Variants in VMA21 observed in about 807,000 individuals in gnomAD.
The protein encoded by VMA21 is vacuolar ATPase assembly factor VMA21.
For missense variants in VMA21, 61 were observed against 80.6 expected (o/e 0.76, Z 0.93); for synonymous variants, 47 against 34.1 (o/e 1.38, Z -1.32).
chrX:151,403,009 G>A (rs959975856), intron 1 of VMA21, among the ~76,000 whole-genome samples: 8 of 107,423 alleles, frequency 7.4e-5, no homozygotes, highest in African/African-American at 2.7e-4. Flanking sequence ...GGGTTGCTGC[G>A]TGGGCTCAGG....
At chrX:151,399,025 A>G (rs778872287) in intron 1 of VMA21, among the ~76,000 whole-genome samples, 10 of 112,802 alleles carry the variant, frequency 8.9e-5, no homozygotes, top group Non-Finnish European at 1.7e-4. Context: ...GGTGGCTTGC[A>G]TCAGCAAAAC....
upstream of VMA21, chrX:151,396,639 C>A (rs746210272): frequency 4.6e-4 from 163 of 354,674 alleles, no homozygotes; most frequent in African/African-American, 3.6e-3. Flanking sequence ...TCTAGTTTTA[C>A]GGACTCGGGT....
At chrX:151,402,817 G>C (rs761070634) in intron 1 of VMA21, among the ~76,000 whole-genome samples, 2 of 105,658 alleles carry the variant, frequency 1.9e-5, no homozygotes, top group Non-Finnish European at 3.9e-5. Context: ...GATCCCAGTG[G>C]GGGAGGGCAC....
intron 1 of VMA21, among the ~76,000 whole-genome samples, chrX:151,399,600 CACTGCAG>C (rs1478600687): frequency 5.4e-5 from 6 of 111,419 alleles, no homozygotes; most frequent in Admixed American, 9.5e-5. Context: ...GTAGATTCTC[CACTGCAG>C]ACACTCATAC....
At chrX:151,403,839 T>C (rs1439109221) in intron 2 of VMA21, 99 bp downstream of exon 2, 6 of 616,807 alleles carry the variant, frequency 9.7e-6, no homozygotes, top group Non-Finnish European at 1.6e-5. Context: ...TCTTATTTTT[T>C]TCTTGTTTAG....
At chrX:151,396,678 G>A (rs2011191330), upstream of VMA21, 2 of 404,162 alleles carry the variant, frequency 4.9e-6, no homozygotes, top group South Asian at 8.4e-5. Context: ...CAGCTGCCAA[G>A]GGCTTGACTT....
intron 1 of VMA21, among the ~76,000 whole-genome samples, chrX:151,397,572 G>A (rs1044424700): frequency 9.8e-5 from 11 of 112,729 alleles, no homozygotes; most frequent in Admixed American, 9.3e-4. Flanking sequence ...CGGGGTCATG[G>A]GGAATAGGTC....
intron 2 of VMA21, among the ~76,000 whole-genome samples, chrX:151,404,686 C>T (rs1346629857): frequency 8.9e-6 from 1 of 111,868 alleles, no homozygotes; most frequent in African/African-American, 3.2e-5. Flanking sequence ...TCCCAAAGTG[C>T]TGGGATTACA....
At position 151,405,839 on chromosome X, in the gene VMA21, A is replaced by G. The variant is rs1370517905; in HGVS notation, c.*781A>G. On this transcript the variant is annotated 3_prime_UTR_variant, in exon 3 of 3. Coordinates refer to ENST00000330374, the MANE Select transcript of VMA21 (RefSeq NM_001017980.4). The stretch of plus-strand genomic sequence containing the variant: ...TAAAAGGTTCGAGGAAGCTCCATTT[A>G]AAATTGTTTTTTTTACTATTTTTTA... The G allele has an allele frequency of 1.8e-5, 2 of 112,114 alleles. No homozygotes were observed. The highest frequency in any genetic ancestry group is 3.8e-5 in the Non-Finnish European group (2 of 53,254). The allele number at this position is 112,114 out of a possible 1,213,427, so 9.2% of individuals were successfully genotyped here.
chrX:151,405,983 T>G lies in VMA21; in HGVS notation c.*925T>G, dbSNP rs923218799. 9.0e-6 allele frequency: 1 copy of G among 111,666 alleles called. No homozygotes were observed. Among genetic ancestry groups the G allele is most frequent in the Non-Finnish European group, 1.9e-5 (1 of 53,163 alleles). 9.2% of individuals were successfully genotyped at this position (111,666 alleles called of 1,213,427 possible). A position where few individuals can be genotyped will look rare whatever the true frequency, so the allele number is the denominator to read the frequency against. The stretch of plus-strand genomic sequence containing the variant: ...ATCCAAAAAGTATTCTCCTTGGGCA[T>G]ATCTGATGGAAAAAAACCTTGATTT... On this transcript the variant is annotated 3_prime_UTR_variant, in exon 3 of 3. Transcript: ENST00000330374.
chrX:151,404,085 T>G lies in VMA21; in HGVS notation c.163+345T>G, dbSNP rs781524956. 4.5e-5 allele frequency among the ~76,000 whole-genome samples: 5 copies of G among 110,677 alleles called. No homozygotes were observed. In the East Asian group the frequency reaches 1.4e-3, roughly 31 times the overall value. On this transcript the variant is annotated intron_variant, in intron 2 of 2. Coordinates refer to ENST00000330374, the MANE Select transcript of VMA21 (RefSeq NM_001017980.4). The stretch of plus-strand genomic sequence containing the variant: ...CCTTTTTGATGTTGAAATTTTTTTT[T>G]TTTTTTTGAGACAGTTTCACTCTTG...
intron 1 of VMA21, among the ~76,000 whole-genome samples, chrX:151,398,105 A>T (rs1209337903): frequency 9.1e-6 from 1 of 109,868 alleles, no homozygotes; most frequent in Non-Finnish European, 1.9e-5. Flanking sequence ...CTAACGTTTG[A>T]CCAAGCTCAC....
Position 151,407,735 on chromosome X carries a change from A to G in VMA21, c.*2677A>G, listed in dbSNP as rs753169819. ...TCTGCTGTAGAATGTATCTGATGTC[A>G]TTAGTTCTTCAAATGGATACCATTG... On this transcript the variant is annotated 3_prime_UTR_variant, in exon 3 of 3. Transcript: ENST00000330374. 6 of 112,008 alleles carry G rather than the reference A, an allele frequency of 5.4e-5. No homozygotes were observed. The South Asian group carries it at 2.3e-3, about 42-fold the overall frequency. The allele number at this position is 112,008 out of a possible 1,213,427, so 9.2% of individuals were successfully genotyped here. A position where few individuals can be genotyped will look rare whatever the true frequency, so the allele number is the denominator to read the frequency against.
Position 151,397,266 on chromosome X carries a change from G to A in VMA21, c.-43G>A, listed in dbSNP as rs749237006. On this transcript the variant is annotated 5_prime_UTR_variant, in exon 1 of 3. Transcript: ENST00000330374. ...GGAGCTTACTGAGCGCGGCCGCCGA[G>A]CCCAGCTCCGCCGCCGAGCGCCTGT... 4 of 1,148,290 alleles carry A rather than the reference G, an allele frequency of 3.5e-6. No homozygotes were observed. The African/African-American group carries it at 7.2e-5, about 21-fold the overall frequency. 94.6% of individuals were successfully genotyped at this position (1,148,290 alleles called of 1,213,427 possible).
At chrX:151,399,171 A>G (rs2011218458) in intron 1 of VMA21, among the ~76,000 whole-genome samples, 1 of 112,219 alleles carries the variant, frequency 8.9e-6, no homozygotes, top group Admixed American at 9.4e-5. Flanking sequence ...AACACAGAAA[A>G]GTAGTCACAT....
At chrX:151,402,652 C>T (rs1329506950) in intron 1 of VMA21, among the ~76,000 whole-genome samples, 1 of 112,920 alleles carries the variant, frequency 8.9e-6, no homozygotes, top group Admixed American at 9.3e-5. Context: ...CGATTTTTCA[C>T]CCATAACAGA....
intron 1 of VMA21, among the ~76,000 whole-genome samples, chrX:151,398,190 T>TG (rs1176882649): frequency 9.2e-6 from 1 of 108,414 alleles, no homozygotes; most frequent in African/African-American, 3.4e-5. Flanking sequence ...AGTTTTTTTT[T>TG]TTTTTTTTTA....
chrX:151,398,516 A>T (rs1006609908), intron 1 of VMA21, among the ~76,000 whole-genome samples: 1 of 111,338 alleles, frequency 9.0e-6, no homozygotes, highest in Admixed American at 9.5e-5. Flanking sequence ...GCTGCAAAGG[A>T]CATGATCTCA....
At chrX:151,398,417 T>C (rs868147067) in intron 1 of VMA21, among the ~76,000 whole-genome samples, 1 of 110,026 alleles carries the variant, frequency 9.1e-6, no homozygotes, top group African/African-American at 3.3e-5. Flanking sequence ...TCTTGTTGTT[T>C]AGTTCCCACT....
Sources: gnomAD v4.1 joint callset for allele counts (sites outside exome capture counted in the v4.1 genomes callset) on GRCh38, gnomAD v4.1.1 for gene constraint, MANE v1.5 for transcripts, NCBI Gene and HGNC (gene_info 2026-07-23, HGNC 2026-07-21) for gene names.